RANBP17: variants seen among roughly 807,000 people sequenced by gnomAD.
RANBP17 encodes RAN binding protein 17, also known as ran-binding protein 17.
Under a neutral mutation model 141.2 loss-of-function variants are expected in RANBP17, and 158 were observed. That is an observed-to-expected ratio of 1.12 (90% confidence interval 0.98 to 1.28). The LOEUF (loss-of-function observed/expected upper bound fraction) is 1.28. Among genes scored for constraint, RANBP17 ranks in the 50% most tolerant of loss-of-function variants. The probability of loss-of-function intolerance (pLI) is 0.00; values close to 1 mark genes in which losing one functional copy is unlikely to be tolerated. For synonymous variants in RANBP17, 430 were observed against 450.0 expected (o/e 0.96, Z 0.56); for missense variants, 1,438 against 1,290.7 (o/e 1.11, Z -1.75).
intron 14 of RANBP17, among the ~76,000 whole-genome samples, chr5:170,980,150 T>G (rs761895851): frequency 3.3e-5 from 5 of 152,116 alleles, no homozygotes; most frequent in Non-Finnish European, 5.9e-5. Flanking sequence ...AGGGAGATAA[T>G]TTAGGGTATC....
chr5:170,870,540 G>A (rs535055876), intron 1 of RANBP17, among the ~76,000 whole-genome samples: 2 of 152,278 alleles, frequency 1.3e-5, no homozygotes, highest in Admixed American at 1.3e-4. Context: ...CCCAGCAAAG[G>A]ACATGATCTC....
chr5:171,086,665 T>C (rs1785687163), intron 14 of RANBP17, among the ~76,000 whole-genome samples: 1 of 150,844 alleles, frequency 6.6e-6, no homozygotes, highest in African/African-American at 2.4e-5. Context: ...TATTCACAGA[T>C]TCAACTTCTT....
At chr5:171,129,564 A>G (rs946272817) in intron 14 of RANBP17, among the ~76,000 whole-genome samples, 5 of 152,210 alleles carry the variant, frequency 3.3e-5, no homozygotes, top group Admixed American at 2.6e-4. Context: ...TTGGCTAGGC[A>G]TTGCAGCTTC....
intron 14 of RANBP17, among the ~76,000 whole-genome samples, chr5:171,058,976 GT>G: frequency 6.6e-6 from 1 of 150,488 alleles, no homozygotes; most frequent in South Asian, 2.1e-4. Flanking sequence ...AGAAGTGTCT[GT>G]TCATGTCCTT....
At chr5:171,053,222 TAG>T (rs1310596645) in intron 14 of RANBP17, among the ~76,000 whole-genome samples, 1 of 152,162 alleles carries the variant, frequency 6.6e-6, no homozygotes. Flanking sequence ...ACTTTTATTT[TAG>T]GTTCAGGTAG....
chr5:171,233,000 G>C (rs761675358), intron 22 of RANBP17, among the ~76,000 whole-genome samples: 2 of 152,048 alleles, frequency 1.3e-5, no homozygotes, highest in East Asian at 1.9e-4. Flanking sequence ...GCTGTTCCAG[G>C]TTCTTTGGAT....
intron 22 of RANBP17, among the ~76,000 whole-genome samples, chr5:171,223,884 C>T (rs955498850): frequency 2.0e-5 from 3 of 152,066 alleles, no homozygotes; most frequent in Non-Finnish European, 4.4e-5. Flanking sequence ...CAATACTTAC[C>T]GACTTCATGA....
At chr5:171,205,443 TG>T in intron 19 of RANBP17, 80 bp from the exon 20 acceptor site, 1 of 1,093,502 alleles carries the variant, frequency 9.1e-7, no homozygotes, top group Non-Finnish European at 1.4e-6. Flanking sequence ...ATCAGATATG[TG>T]GTCATTATTG....
intron 14 of RANBP17, among the ~76,000 whole-genome samples, chr5:171,046,179 T>C (rs1782570680): frequency 6.6e-6 from 1 of 151,914 alleles, no homozygotes. Flanking sequence ...CTTGATTTTT[T>C]ACCCTATTCA....
At chr5:171,064,738 G>T (rs1784190249) in intron 14 of RANBP17, among the ~76,000 whole-genome samples, 1 of 151,594 alleles carries the variant, frequency 6.6e-6, no homozygotes, top group Non-Finnish European at 1.5e-5. Context: ...GTAGGCTGGT[G>T]TCGAACTCTT....
At position 170,928,178 on chromosome 5, in the gene RANBP17, C is replaced by T. The variant is rs188541662; in HGVS notation, c.1468+3628C>T. Among the ~76,000 whole-genome samples, 9 of 152,092 alleles carry T rather than the reference C, an allele frequency of 5.9e-5. No homozygotes were observed. The South Asian group carries it at 1.0e-3, about 18-fold the overall frequency. On this transcript the variant is annotated intron_variant, in intron 12 of 27. Transcript: ENST00000523189. ...CTTATTTTGTGAAAAGTCTGTTGCC[C>T]ATTTTTAAATTGGATTGTTGGCTCT...
chr5:170,969,377 A>G (rs1357435549), intron 14 of RANBP17, among the ~76,000 whole-genome samples: 1 of 151,906 alleles, frequency 6.6e-6, no homozygotes, highest in Non-Finnish European at 1.5e-5. Flanking sequence ...AGTAGCTAGA[A>G]ATAAATGTTT....
intron 14 of RANBP17, among the ~76,000 whole-genome samples, chr5:170,994,467 C>A (rs183543168): frequency 1.3e-5 from 2 of 151,898 alleles, no homozygotes; most frequent in Admixed American, 1.3e-4. Context: ...CTGGATCATA[C>A]GTGAAAAGGT....
At chr5:171,270,375 A>G (rs1249196595) in intron 25 of RANBP17, among the ~76,000 whole-genome samples, 2 of 152,344 alleles carry the variant, frequency 1.3e-5, no homozygotes, top group East Asian at 3.9e-4. Flanking sequence ...CTTTGACCTA[A>G]CAGTTGAGAA....
intron 11 of RANBP17, among the ~76,000 whole-genome samples, chr5:170,922,758 T>C (rs1214236286): frequency 1.3e-5 from 2 of 152,254 alleles, no homozygotes; most frequent in South Asian, 4.2e-4. Flanking sequence ...GGAAATCCCC[T>C]GACCCCTTGC....
At position 170,964,038 on chromosome 5, in the gene RANBP17, A is replaced by G. The variant is rs146496871; in HGVS notation, c.1575-4204A>G. 5.6e-3 allele frequency among the ~76,000 whole-genome samples: 858 copies of G among 152,288 alleles called. 27 individuals are homozygous for G. Among genetic ancestry groups the G allele is most frequent in the Admixed American group, 0.037 (562 of 15,294 alleles). Reference sequence around the variant, plus strand: ...GGTGTACAAATTAAAATACACCGAGATGCCGTTTTTCAACTTTCCAGAAAT... The same window carrying G: ...GGTGTACAAATTAAAATACACCGAGGTGCCGTTTTTCAACTTTCCAGAAAT... On this transcript the variant is annotated intron_variant, in intron 13 of 27. Transcript: ENST00000523189.
chr5:171,096,064 A>C (rs1048598143), intron 14 of RANBP17, among the ~76,000 whole-genome samples: 2 of 152,130 alleles, frequency 1.3e-5, no homozygotes, highest in Non-Finnish European at 2.9e-5. Flanking sequence ...TTAGTGTCTC[A>C]GAGGTGACAG....
intron 3 of RANBP17, among the ~76,000 whole-genome samples, chr5:170,884,912 T>TCCC (rs1769016362): frequency 6.6e-6 from 1 of 151,518 alleles, no homozygotes; most frequent in Non-Finnish European, 1.5e-5. Context: ...CATAAAATCA[T>TCCC]CTGTAAATTC....
intron 14 of RANBP17, among the ~76,000 whole-genome samples, chr5:171,055,413 A>C (rs1783276451): frequency 6.6e-6 from 1 of 152,168 alleles, no homozygotes; most frequent in South Asian, 2.1e-4. Flanking sequence ...CATTTTTATT[A>C]AAGACAAATC....
Sources: gnomAD v4.1 joint callset for allele counts (sites outside exome capture counted in the v4.1 genomes callset) on GRCh38, gnomAD v4.1.1 for gene constraint, MANE v1.5 for transcripts, NCBI Gene and HGNC (gene_info 2026-07-23, HGNC 2026-07-21) for gene names.